Variants in CNTLN observed in about 807,000 individuals in gnomAD.
CNTLN encodes the protein centlein, centrosomal protein.
In CNTLN, 212 loss-of-function variants were observed where a neutral mutation model predicts 180.0. The observed-to-expected ratio is 1.18, with a 90% confidence interval of 1.05 to 1.32. The LOEUF is 1.32. CNTLN is among the 40% of genes most tolerant of loss of function. The pLI is 0.00. For synonymous variants in CNTLN, 722 were observed against 563.1 expected (o/e 1.28, Z -3.99); for missense variants, 2,095 against 1,610.9 (o/e 1.30, Z -5.14).
intron 5 of CNTLN, among the ~76,000 whole-genome samples, chr9:17,240,044 G>C (rs1286927419): frequency 5.9e-5 from 9 of 152,134 alleles, no homozygotes; most frequent in African/African-American, 2.2e-4. Context: ...CAGTAGATCA[G>C]TTTGGGGAGT....
At chr9:17,158,436 A>G (rs1322719028) in intron 2 of CNTLN, among the ~76,000 whole-genome samples, 1 of 152,080 alleles carries the variant, frequency 6.6e-6, no homozygotes, top group Non-Finnish European at 1.5e-5. Flanking sequence ...TTTATGAAGA[A>G]TTTTTGAAGA....
chr9:17,153,827 A>G (rs543374241), intron 2 of CNTLN, among the ~76,000 whole-genome samples: 1 of 152,112 alleles, frequency 6.6e-6, no homozygotes, highest in Admixed American at 6.5e-5. Context: ...ACATAGTCCC[A>G]TATTTCTTGG....
At chr9:17,281,806 G>T (rs1057117940) in intron 6 of CNTLN, among the ~76,000 whole-genome samples, 1 of 152,146 alleles carries the variant, frequency 6.6e-6, no homozygotes, top group African/African-American at 2.4e-5. Context: ...TATATACCCA[G>T]TAATGGGATT....
At chr9:17,499,808 A>G (rs562437445) in intron 25 of CNTLN, among the ~76,000 whole-genome samples, 3 of 152,312 alleles carry the variant, frequency 2.0e-5, no homozygotes, top group African/African-American at 7.2e-5. Flanking sequence ...TATTTAAAAA[A>G]TAATTTTTGG....
chr9:17,331,100 C>G (rs965173727), intron 9 of CNTLN, among the ~76,000 whole-genome samples: 1 of 151,848 alleles, frequency 6.6e-6, no homozygotes, highest in African/African-American at 2.4e-5. Context: ...TTCCTCATCT[C>G]TCTCATATAT....
chr9:17,520,737 A>G, the CNTLN span, among the ~76,000 whole-genome samples: 1 of 152,242 alleles, frequency 6.6e-6, no homozygotes, highest in Non-Finnish European at 1.5e-5. Context: ...AGAGCAAAAT[A>G]TCAGCTGATG....
chr9:17,357,178 C>G (rs1330078550), intron 12 of CNTLN, among the ~76,000 whole-genome samples: 1 of 152,002 alleles, frequency 6.6e-6, no homozygotes, highest in Non-Finnish European at 1.5e-5. Flanking sequence ...GAACCATGTG[C>G]CAGAAGTTCC....
At chr9:17,495,098 T>C (rs1322575152) in intron 25 of CNTLN, 2 of 353,502 alleles carry the variant, frequency 5.7e-6, no homozygotes, top group African/African-American at 2.2e-5. Context: ...CAGGCTGGTC[T>C]CCAACTCCTG....
At chr9:17,507,501 A>C (rs923274413), downstream of CNTLN, among the ~76,000 whole-genome samples, 1 of 152,218 alleles carries the variant, frequency 6.6e-6, no homozygotes, top group Non-Finnish European at 1.5e-5. Context: ...TCCTTTGCAT[A>C]TATAACTACT....
intron 12 of CNTLN, among the ~76,000 whole-genome samples, 186 bp from the exon 13 acceptor site, chr9:17,366,431 A>C (rs975737258): frequency 1.3e-5 from 2 of 152,148 alleles, no homozygotes; most frequent in African/African-American, 2.4e-5. Context: ...GGTATGAGCC[A>C]CCATGCCCAG....
chr9:17,260,458 C>G (rs539421685), intron 5 of CNTLN, among the ~76,000 whole-genome samples: 2 of 150,940 alleles, frequency 1.3e-5, no homozygotes, highest in African/African-American at 2.5e-5. Flanking sequence ...TTCTGTATGT[C>G]TTCTTTTGAC....
At chr9:17,416,462 T>C (rs918881167) in intron 18 of CNTLN, among the ~76,000 whole-genome samples, 2 of 152,200 alleles carry the variant, frequency 1.3e-5, no homozygotes, top group African/African-American at 4.8e-5. Context: ...CTTTGAAATA[T>C]TTTTACATAT....
In CNTLN at chr9:17,482,913, TA is replaced by T. The variant is rs772370803; in HGVS notation, c.3856-1376del. On this transcript the variant is annotated intron_variant, in intron 23 of 25. Transcript: ENST00000380647. ...GGATAAAAAAATTTTAACTGAAAAA[TA>T]AAAAAGTAGCAAAAAAATTGTGGTT... 3.9e-5 allele frequency among the ~76,000 whole-genome samples: 6 copies of T among 151,952 alleles called. No homozygotes were observed. The East Asian group carries it at 9.6e-4, about 24-fold the overall frequency.
In CNTLN at chr9:17,373,413, C is replaced by T. The variant is rs180781142; in HGVS notation, c.1987+6696C>T. Among the ~76,000 whole-genome samples the T allele has an allele frequency of 5.9e-3, 894 of 151,994 alleles. 6 individuals carry two copies. Among genetic ancestry groups the T allele is most frequent in the Admixed American group, 0.013 (194 of 15,242 alleles). ...TAAAAGTCAGTACCTAGGATTTAAC[C>T]GGAGAAGTGAAGAATCTTCCTACAA... On this transcript the variant is annotated intron_variant, in intron 13 of 25. Transcript: ENST00000380647.
At chr9:17,143,092 G>A (rs1370762949) in intron 1 of CNTLN, among the ~76,000 whole-genome samples, 196 bp from the exon 2 acceptor site, 2 of 152,204 alleles carry the variant, frequency 1.3e-5, no homozygotes, top group African/African-American at 4.8e-5. Context: ...GATAGAAATA[G>A]TAAAAGTGAA....
intron 8 of CNTLN, among the ~76,000 whole-genome samples, chr9:17,327,676 G>A (rs1414032046): frequency 4.6e-5 from 7 of 151,938 alleles, no homozygotes; most frequent in Middle Eastern, 3.2e-3. Context: ...CATTTAGGCC[G>A]GGTGCAGTGG....
chr9:17,461,601 A>G (rs115604696), intron 19 of CNTLN, among the ~76,000 whole-genome samples: 1,618 of 151,868 alleles, frequency 0.011, 29 homozygotes, highest in African/African-American at 0.037. Context: ...ACCTTGGGTA[A>G]TTAATAGTTT....
downstream of CNTLN, among the ~76,000 whole-genome samples, chr9:17,507,518 G>C (rs1462401187): frequency 6.6e-6 from 1 of 152,068 alleles, no homozygotes; most frequent in Non-Finnish European, 1.5e-5. Context: ...TACTAATTGG[G>C]TTACTGGGTC....
intron 5 of CNTLN, among the ~76,000 whole-genome samples, chr9:17,254,914 G>A (rs555072245): frequency 6.6e-6 from 1 of 151,828 alleles, no homozygotes; most frequent in Admixed American, 6.6e-5. Flanking sequence ...TTCCAATCCA[G>A]TGACATGAGA....
Sources: allele counts gnomAD v4.1 joint callset (sites outside exome capture counted in the v4.1 genomes callset), GRCh38; gene constraint gnomAD v4.1.1; transcripts MANE v1.5; gene names NCBI Gene and HGNC (gene_info 2026-07-23, HGNC 2026-07-21).